PPP4R3B: variants seen among roughly 807,000 people sequenced by gnomAD.
The protein encoded by PPP4R3B is serine/threonine-protein phosphatase 4 regulatory subunit 3B.
A neutral mutation model predicts 95.4 loss-of-function variants in PPP4R3B; 52 were observed. The ratio of observed to expected loss-of-function variants is 0.54; its 90% confidence interval spans 0.44 to 0.69. The LOEUF (loss-of-function observed/expected upper bound fraction) is 0.69, where lower values mean the gene tolerates loss of function less well. Among genes scored for constraint, PPP4R3B ranks in the 30% least tolerant of loss-of-function variants. The pLI is 0.00. For synonymous variants in PPP4R3B, 407 were observed against 343.9 expected, an observed-to-expected ratio of 1.18 and a Z score of -2.03; for missense variants, 1,003 against 1,005.9, an observed-to-expected ratio of 1.00 and a Z score of 0.04.
chr2:55,565,140 G>A, intron 13 of PPP4R3B, 99 bp from the exon 14 acceptor site: 2 of 976,218 alleles, frequency 2.0e-6, no homozygotes, highest in Non-Finnish European at 1.4e-6. Context: ...GATCAAAAAA[G>A]GTTTTTCAAA....
chr2:55,601,446 T>C (rs534096176), intron 3 of PPP4R3B, among the ~76,000 whole-genome samples: 54 of 151,938 alleles, frequency 3.6e-4, no homozygotes, highest in African/African-American at 1.3e-3. Context: ...AATGGCGCGA[T>C]CTCGGCTCAC....
At chr2:55,553,351 T>C (rs1010345771) in intron 16 of PPP4R3B, among the ~76,000 whole-genome samples, 3 of 152,152 alleles carry the variant, frequency 2.0e-5, no homozygotes, top group Admixed American at 6.5e-5. Context: ...AAAAATTAGA[T>C]GGCTTCACAG....
rs556007034 is a variant in PPP4R3B, at chr2:55,578,751, C to T, written c.1469-409G>A. On this transcript the variant is annotated intron_variant, in intron 9 of 16. Coordinates refer to ENST00000616407, the MANE Select transcript of PPP4R3B (RefSeq NM_001122964.3). The stretch of plus-strand genomic sequence containing the variant: ...CTGATAGTATTACATAGGGTGTGCT[C>T]ATGTTTCAACTTTATTAGTTTCATA... 3.3e-5 allele frequency among the ~76,000 whole-genome samples: 5 copies of T among 152,088 alleles called. No homozygotes were observed. The South Asian group carries it at 1.0e-3, about 32-fold the overall frequency.
At chr2:55,617,102 C>T (rs200947202) in intron 1 of PPP4R3B, 42 bp downstream of exon 1, 1 of 1,556,884 alleles carries the variant, frequency 6.4e-7, no homozygotes, top group Admixed American at 2.0e-5. Context: ...TGTGCCCCAA[C>T]CAGAGGCACT....
intron 2 of PPP4R3B, among the ~76,000 whole-genome samples, chr2:55,607,676 G>T (rs1693607963): frequency 6.6e-6 from 1 of 152,036 alleles, no homozygotes; most frequent in Non-Finnish European, 1.5e-5. Flanking sequence ...CATTAAACAG[G>T]TATAATTAAG....
intron 14 of PPP4R3B, 112 bp from the exon 15 acceptor site, chr2:55,564,609 T>C (rs1051973218): frequency 3.3e-6 from 3 of 917,160 alleles, no homozygotes; most frequent in Admixed American, 3.3e-5. Context: ...TAACTGACTA[T>C]AATTTATATC....
At chr2:55,556,473 G>A (rs1055000505) in intron 16 of PPP4R3B, among the ~76,000 whole-genome samples, 1 of 152,014 alleles carries the variant, frequency 6.6e-6, no homozygotes, top group African/African-American at 2.4e-5. Flanking sequence ...GATAGAAAAG[G>A]TATGCAGTAT....
chr2:55,569,174 C>T (rs759076505), intron 12 of PPP4R3B, among the ~76,000 whole-genome samples: 1 of 152,120 alleles, frequency 6.6e-6, no homozygotes, highest in Non-Finnish European at 1.5e-5. Context: ...GACCAAAAGA[C>T]CGGACAGGGC....
intron 11 of PPP4R3B, among the ~76,000 whole-genome samples, chr2:55,575,939 A>G (rs1574763832): frequency 1.3e-5 from 2 of 152,252 alleles, no homozygotes; most frequent in Admixed American, 6.5e-5. Context: ...TAAAATTCTG[A>G]TATTTCAAGG....
chr2:55,579,571 G>A lies in PPP4R3B; in HGVS notation c.1468+108C>T, dbSNP rs527902975. 309 of 618,478 alleles carry A rather than the reference G, an allele frequency of 5.0e-4. 1 individual carries two copies. In the South Asian group the frequency reaches 6.7e-3, roughly 13 times the overall value. 38.3% of individuals were successfully genotyped at this position (618,478 alleles called of 1,614,324 possible). A position where few individuals can be genotyped will look rare whatever the true frequency, so the allele number is the denominator to read the frequency against. ...ATATTGCAGTTTAAGTTTTTCAGTC[G>A]TAATCTCCCTGTCTTATAAAGTCTC... is the stretch of plus-strand genomic sequence containing the variant. On this transcript the variant is annotated intron_variant, in intron 9 of 16. Transcript: ENST00000616407.
At chr2:55,611,521 T>C (rs1255729789) in intron 2 of PPP4R3B, among the ~76,000 whole-genome samples, 1 of 152,248 alleles carries the variant, frequency 6.6e-6, no homozygotes, top group African/African-American at 2.4e-5. Flanking sequence ...CTATGCACAG[T>C]AAGGAAGAAA....
In PPP4R3B at chr2:55,617,475, C is replaced by A. The variant is rs1311430334; in HGVS notation, c.-190G>T. On this transcript the variant is annotated 5_prime_UTR_variant, in exon 1 of 17. Transcript: ENST00000616407. ...GACAAGAGCCACTGAGGCCTCTCCG[C>A]CCGGAGGCCCCGTTACCTCTCACTT... The A allele has an allele frequency of 3.7e-6, 2 of 544,538 alleles. No homozygotes were observed. Among genetic ancestry groups the A allele is most frequent in the Non-Finnish European group, 6.0e-6 (2 of 334,152 alleles). The allele number at this position is 544,538 out of a possible 1,614,324, so 33.7% of individuals were successfully genotyped here.
At position 55,586,700 on chromosome 2, in the gene PPP4R3B, T is replaced by G; in HGVS notation, c.1034A>C (p.Gln345Pro). The change falls in exon 6 of 17, where the codon CAG becomes CCG. Residue 345 changes from glutamine to proline, a missense_variant. By Grantham distance (76) the Gln-to-Pro change is moderately conservative. This residue lies in a region of PPP4R3B where 695 missense variants were observed against 686.2 expected (regional missense o/e 1.01). Coordinates refer to ENST00000616407, the MANE Select transcript of PPP4R3B (RefSeq NM_001122964.3). ...ATCCCTGTTTTGAGGTTGTAATGTC[T>G]GAGAAAATGCACAAAACTCCTTGAA... ...NFFKEFCAFS[Q>P]TLQPQNRDAF... is the part of the protein sequence containing the mutation. 6.2e-7 allele frequency: 1 copy of G among 1,605,154 alleles called. No individual in the cohort carries two copies. The highest frequency in any genetic ancestry group is 1.1e-5 in the South Asian group (1 of 88,424).
intron 9 of PPP4R3B, 89 bp from the exon 10 acceptor site, chr2:55,578,431 G>A (rs1574777274): frequency 8.7e-7 from 1 of 1,144,306 alleles, no homozygotes; most frequent in Middle Eastern, 3.3e-4. Flanking sequence ...ATTTCTGTAA[G>A]CTGGAAGTGT....
rs58981030 is a variant in PPP4R3B, at chr2:55,615,857, C to CAAAAAAAAAAAAAAAAA, written c.143-368_143-352dup. 5.9e-4 allele frequency among the ~76,000 whole-genome samples: 23 copies of CAAAAAAAAAAAAAAAAA among 39,068 alleles called. 1 individual carries two copies. The highest frequency in any genetic ancestry group is 4.0e-3 in the African/African-American group (22 of 5,534). 25.6% of individuals were successfully genotyped at this position (39,068 alleles called of 152,430 possible). A position where few individuals can be genotyped will look rare whatever the true frequency, so the allele number is the denominator to read the frequency against. ...TGGCAACAGAGCAAGACTCTGTCTC[C>CAAAAAAAAAAAAAAAAA]AAAAAAAAAAAAAAAAAAAAAAAAA... is the stretch of plus-strand genomic sequence containing the variant. On this transcript the variant is annotated intron_variant, in intron 1 of 16. Coordinates refer to ENST00000616407, the MANE Select transcript of PPP4R3B (RefSeq NM_001122964.3).
Position 55,617,211 on chromosome 2 carries a change from C to A in PPP4R3B, c.75G>T (p.Gly25=). The A allele has an allele frequency of 1.2e-6, 2 of 1,614,034 alleles. No homozygotes were observed. The highest frequency in any genetic ancestry group is 1.7e-6 in the Non-Finnish European group (2 of 1,179,940). ...CCTCCACGTAAGTGGAGGAGACGTG[C>A]CCGGTGCCTCGGTCGTCCCATTGCC... The part of the protein sequence containing the change: ...EDRQWDDRGT[G]HVSSTYVEEL... Residue 25 remains glycine, a synonymous_variant, in exon 1 of 17, where the codon GGG becomes GGT. Transcript: ENST00000616407.
At chr2:55,601,147 A>C (rs1692547705) in intron 3 of PPP4R3B, among the ~76,000 whole-genome samples, 2 of 150,662 alleles carry the variant, frequency 1.3e-5, no homozygotes, top group Non-Finnish European at 3.0e-5. Context: ...GTCTCAAAAA[A>C]AAAAAAAAAA....
At chr2:55,582,046 G>C (rs1002995012) in intron 7 of PPP4R3B, among the ~76,000 whole-genome samples, 2 of 152,084 alleles carry the variant, frequency 1.3e-5, no homozygotes, top group African/African-American at 2.4e-5. Context: ...TTCAGACTCA[G>C]GCGTAAATTT....
At chr2:55,615,859 A>AAAAAAAAAAAAAAAAAC (rs1694837013) in intron 1 of PPP4R3B, among the ~76,000 whole-genome samples, 1 of 72,538 alleles carries the variant, frequency 1.4e-5, no homozygotes, top group African/African-American at 4.1e-5. Context: ...TCTGTCTCCA[A>AAAAAAAAAAAAAAAAAC]AAAAAAAAAA....
Sources: gnomAD v4.1 joint callset for allele counts (sites outside exome capture counted in the v4.1 genomes callset) on GRCh38, gnomAD v4.1.1 for gene constraint, gnomAD v4.1.1 regional missense constraint, MANE v1.5 for transcripts, NCBI Gene and HGNC (gene_info 2026-07-23, HGNC 2026-07-21) for gene names.